The following TJP1 variants were observed in gnomAD, a reference collection of about 807,000 sequenced individuals.
The protein encoded by TJP1 is tight junction protein ZO-1.
A neutral mutation model predicts 194.2 loss-of-function variants in TJP1; 43 were observed. That is an observed-to-expected ratio of 0.22 (90% confidence interval 0.17 to 0.29). The LOEUF is 0.29. Ranked by LOEUF, TJP1 falls within the 10% of genes least tolerant of loss-of-function variation. The pLI is 1.00. For synonymous variants in TJP1, 801 were observed against 779.0 expected (o/e 1.03, Z -0.47); for missense variants, 1,971 against 2,185.7 (o/e 0.90, Z 1.96).
At chr15:29,887,601 T>C (rs1596188036) in intron 2 of TJP1, among the ~76,000 whole-genome samples, 1 of 152,102 alleles carries the variant, frequency 6.6e-6, no homozygotes, top group South Asian at 2.1e-4. Context: ...GCACCTGGCC[T>C]ATATCAGATA....
intron 1 of TJP1, among the ~76,000 whole-genome samples, chr15:29,801,079 G>A (rs2048751186): frequency 6.6e-6 from 1 of 152,132 alleles, no homozygotes; most frequent in East Asian, 1.9e-4. Flanking sequence ...TTTTACAAAC[G>A]AAGGGAAAGT....
intron 27 of TJP1, 130 bp from the exon 28 acceptor site, chr15:29,701,819 A>G (rs2041562384): frequency 1.6e-6 from 1 of 640,730 alleles, no homozygotes; most frequent in African/African-American, 1.8e-5. Flanking sequence ...TTGAATTTGT[A>G]TCAAAACACA....
At chr15:29,938,611 G>A (rs1002626469) in intron 2 of TJP1, among the ~76,000 whole-genome samples, 1 of 152,164 alleles carries the variant, frequency 6.6e-6, no homozygotes, top group Non-Finnish European at 1.5e-5. Flanking sequence ...ACAGTTCTTG[G>A]TATATAAATC....
intron 2 of TJP1, among the ~76,000 whole-genome samples, chr15:29,856,570 A>C (rs1338525860): frequency 1.3e-5 from 2 of 152,224 alleles, no homozygotes; most frequent in Admixed American, 1.3e-4. Flanking sequence ...GATGGAGTAA[A>C]GATTTAAAAA....
At chr15:29,795,684 A>G (rs1281920998) in intron 2 of TJP1, among the ~76,000 whole-genome samples, 1 of 152,158 alleles carries the variant, frequency 6.6e-6, no homozygotes, top group Non-Finnish European at 1.5e-5. Context: ...TTTGAGGTAC[A>G]GCTTTTCCAT....
chr15:29,937,105 T>C (rs935304939), intron 2 of TJP1, among the ~76,000 whole-genome samples: 17 of 152,352 alleles, frequency 1.1e-4, no homozygotes, highest in African/African-American at 3.8e-4. Flanking sequence ...TTTCAGTGGT[T>C]AGCAAACCAT....
chr15:29,864,395 A>C (rs1348513736), intron 2 of TJP1, among the ~76,000 whole-genome samples: 1 of 152,078 alleles, frequency 6.6e-6, no homozygotes, highest in Non-Finnish European at 1.5e-5. Flanking sequence ...TCATTCACTC[A>C]AGTCTTTATT....
intron 18 of TJP1, 44 bp downstream of exon 18, chr15:29,726,335 A>G (rs1248714532): frequency 9.4e-6 from 14 of 1,483,954 alleles, no homozygotes; most frequent in Non-Finnish European, 1.2e-5. Context: ...GATTAGTTAC[A>G]TAATTTACTG....
intron 4 of TJP1, among the ~76,000 whole-genome samples, chr15:29,770,837 CTT>C (rs1244490777): frequency 2.6e-5 from 4 of 151,748 alleles, no homozygotes; most frequent in African/African-American, 9.7e-5. Context: ...AGAAAGAAGA[CTT>C]AAATAAATTT....
chr15:29,833,875 A>ATTTTTTTTTTTTTT (rs1175518448), intron 2 of TJP1, among the ~76,000 whole-genome samples: 3 of 16,556 alleles, frequency 1.8e-4, no homozygotes, highest in Admixed American at 7.6e-4. Context: ...ATATATATAT[A>ATTTTTTTTTTTTTT]TATATATTTT....
At chr15:29,931,757 C>G (rs184151176) in intron 2 of TJP1, among the ~76,000 whole-genome samples, 1 of 151,946 alleles carries the variant, frequency 6.6e-6, no homozygotes, top group Non-Finnish European at 1.5e-5. Context: ...CAGGTGAGTC[C>G]GTAAAGTGAA....
rs548320420 is a variant in TJP1, at chr15:29,757,539, A to G, written c.1010+3600T>C. ...TTTCTCAAAATGCAGGGAATGCTCT[A>G]AATTAAAACTCCACAGTTACAGGAT... is the stretch of plus-strand genomic sequence containing the variant. On this transcript the variant is annotated intron_variant, in intron 8 of 27. Transcript: ENST00000614355. 4.6e-5 allele frequency among the ~76,000 whole-genome samples: 7 copies of G among 152,316 alleles called. No individual in the cohort carries two copies. The South Asian group carries it at 1.5e-3, about 32-fold the overall frequency.
chr15:29,959,958 G>C (rs937123830), intron 1 of TJP1, among the ~76,000 whole-genome samples: 3 of 152,052 alleles, frequency 2.0e-5, no homozygotes, highest in African/African-American at 7.2e-5. Flanking sequence ...TTCAAAAGAG[G>C]ACATATGGGA....
intron 15 of TJP1, chr15:29,728,310 C>T: frequency 3.5e-6 from 1 of 283,372 alleles, no homozygotes; most frequent in Non-Finnish European, 6.6e-6. Context: ...TATGGCTCAA[C>T]AGGGCACTAC....
chr15:29,777,344 G>A (rs756620070), intron 2 of TJP1, among the ~76,000 whole-genome samples: 1 of 152,216 alleles, frequency 6.6e-6, no homozygotes, highest in Non-Finnish European at 1.5e-5. Flanking sequence ...ATTACACAGC[G>A]AAGAAGATAA....
At chr15:29,843,275 G>A (rs912102881) in intron 2 of TJP1, among the ~76,000 whole-genome samples, 13 of 151,246 alleles carry the variant, frequency 8.6e-5, no homozygotes, top group African/African-American at 1.5e-4. Context: ...TGCAACATCC[G>A]CCTCCCGGGT....
chr15:29,704,416 G>A, intron 26 of TJP1, 111 bp from the exon 27 acceptor site: 2 of 1,329,206 alleles, frequency 1.5e-6, no homozygotes, highest in Non-Finnish European at 2.0e-6. Flanking sequence ...AATGGAGTTA[G>A]TTCTCTACAG....
chr15:29,844,133 A>G lies in TJP1; in HGVS notation c.307-43431T>C, dbSNP rs566804839. 1.4e-3 allele frequency among the ~76,000 whole-genome samples: 215 copies of G among 152,220 alleles called. 3 individuals are homozygous for G. Among genetic ancestry groups the G allele is most frequent in the Non-Finnish European group, 4.1e-4 (28 of 68,000 alleles). ...AGTCTCCCTCTGTCTCCCAGGCTGC[A>G]GTGCGCGGCTCACTGCAACCTCCTC... On this transcript the variant is annotated intron_variant, in intron 2 of 28. Coordinates refer to the TJP1 transcript ENST00000356107.
chr15:29,903,003 T>C (rs931298119), intron 2 of TJP1, among the ~76,000 whole-genome samples: 1 of 151,954 alleles, frequency 6.6e-6, no homozygotes, highest in African/African-American at 2.4e-5. Context: ...CTATCTTTTC[T>C]ATCTAATATG....
Sources: allele counts gnomAD v4.1 joint callset (sites outside exome capture counted in the v4.1 genomes callset), GRCh38; gene constraint gnomAD v4.1.1; transcripts MANE v1.5; gene names NCBI Gene and HGNC (gene_info 2026-07-23, HGNC 2026-07-21).